POC1B: variants seen among roughly 807,000 people sequenced by gnomAD.
The protein encoded by POC1B is POC1 centriolar protein homolog B.
A neutral mutation model predicts 60.6 loss-of-function variants in POC1B; 44 were observed. The observed-to-expected ratio is 0.73, with a 90% confidence interval of 0.57 to 0.93. The LOEUF is 0.93. POC1B is among the 40% of genes least tolerant of loss of function. The probability of loss-of-function intolerance (pLI) is 0.00; values close to 1 mark genes in which losing one functional copy is unlikely to be tolerated. For synonymous variants in POC1B, 180 were observed against 198.9 expected (o/e 0.90, Z 0.80); for missense variants, 555 against 572.3 (o/e 0.97, Z 0.31).
At chr12:89,404,417 C>T in the POC1B span, among the ~76,000 whole-genome samples, 10 of 152,280 alleles carry the variant, frequency 6.6e-5, no homozygotes, top group East Asian at 1.9e-3. Flanking sequence ...TCTCTCAGCA[C>T]TTTTGTCTGG....
At chr12:89,448,987 T>TC (rs1565729666) in intron 10 of POC1B, among the ~76,000 whole-genome samples, 1 of 152,216 alleles carries the variant, frequency 6.6e-6, no homozygotes, top group African/African-American at 2.4e-5. Flanking sequence ...TCCGTTTTTT[T>TC]CCCCACAACC....
chr12:89,502,103 C>CA, intron 2 of POC1B: 2 of 1,150,926 alleles, frequency 1.7e-6, no homozygotes, highest in Admixed American at 1.7e-5. Context: ...AATACACCAA[C>CA]AGAGTCAAAC....
downstream of POC1B, among the ~76,000 whole-genome samples, chr12:89,417,783 GT>G (rs1291222237): frequency 6.6e-6 from 1 of 152,192 alleles, no homozygotes; most frequent in Non-Finnish European, 1.5e-5. Flanking sequence ...CTCCTTTGGT[GT>G]TTTTCCCCTA....
rs1880474469 is a variant in POC1B, at chr12:89,420,267, A to G, written c.*886T>C. On this transcript the variant is annotated 3_prime_UTR_variant, in exon 12 of 12. Coordinates refer to ENST00000313546, the MANE Select transcript of POC1B (RefSeq NM_172240.3). Reference sequence around the variant, plus strand: ...AGGAAGATGATGATGCAAAAATTTTAAAAAGTACTTACTATTTAGCTGCCC... The same window carrying G: ...AGGAAGATGATGATGCAAAAATTTTGAAAAGTACTTACTATTTAGCTGCCC... 1 of 152,218 alleles carries G rather than the reference A, an allele frequency of 6.6e-6. No homozygotes were observed. Among genetic ancestry groups the G allele is most frequent in the African/African-American group, 2.4e-5 (1 of 41,454 alleles). The allele number at this position is 152,218 out of a possible 1,614,324, so 9.4% of individuals were successfully genotyped here. A position where few individuals can be genotyped will look rare whatever the true frequency, so the allele number is the denominator to read the frequency against.
intron 10 of POC1B, among the ~76,000 whole-genome samples, chr12:89,449,200 C>T (rs1166051601): frequency 6.6e-6 from 1 of 152,234 alleles, no homozygotes; most frequent in East Asian, 1.9e-4. Flanking sequence ...CCTTGCTTGC[C>T]CCCATCATTT....
chr12:89,458,382 G>C (rs893077317), intron 10 of POC1B, among the ~76,000 whole-genome samples: 1 of 152,214 alleles, frequency 6.6e-6, no homozygotes, highest in Non-Finnish European at 1.5e-5. Context: ...TATTAATGCA[G>C]CAATGCTGCT....
rs747747907 is a variant in POC1B at position 89,466,720 on chromosome 12, A to C, written c.1032+50T>G. The C allele has an allele frequency of 5.3e-6, 8 of 1,512,672 alleles. No individual in the cohort carries two copies. In the South Asian group the frequency reaches 1.0e-4, roughly 19 times the overall value. The allele number at this position is 1,512,672 out of a possible 1,614,324, so 93.7% of individuals were successfully genotyped here. On this transcript the variant is annotated intron_variant, in intron 9 of 11. Coordinates refer to ENST00000313546, the MANE Select transcript of POC1B (RefSeq NM_172240.3). ...AATTTCAAACACCTCCTTCAGCAAA[A>C]GCCTCAAAATGTACACAAAATGTAG...
chr12:89,446,036 A>G (rs1483409331), intron 10 of POC1B, among the ~76,000 whole-genome samples: 1 of 152,224 alleles, frequency 6.6e-6, no homozygotes, highest in Non-Finnish European at 1.5e-5. Context: ...GAGAAATGGA[A>G]ATCAAAACCA....
At chr12:89,456,006 T>TTTGTTG (rs57046085) in intron 10 of POC1B, among the ~76,000 whole-genome samples, 5,283 of 148,260 alleles carry the variant, frequency 0.036, 115 homozygotes, top group Admixed American at 0.079. Flanking sequence ...AAAACTCTTT[T>TTTGTTG]TTGTTGTTGT....
At chr12:89,475,949 C>T (rs1474465661) in intron 4 of POC1B, among the ~76,000 whole-genome samples, 1 of 145,438 alleles carries the variant, frequency 6.9e-6, no homozygotes, top group African/African-American at 2.6e-5. Flanking sequence ...CAGGGTCACC[C>T]AGGCTGGAAA....
At chr12:89,502,051 C>G (rs897164862) in intron 2 of POC1B, 21 of 988,254 alleles carry the variant, frequency 2.1e-5, no homozygotes, top group Non-Finnish European at 3.4e-5. Flanking sequence ...TATGACTGCA[C>G]AGAATGTTCC....
chr12:89,437,035 G>A (rs552274867), intron 10 of POC1B, among the ~76,000 whole-genome samples: 8 of 152,210 alleles, frequency 5.3e-5, no homozygotes, highest in Admixed American at 5.2e-4. Flanking sequence ...CTTCTCCCAT[G>A]TACAATCAGT....
chr12:89,524,327 C>T (rs763863484), intron 2 of POC1B: 29 of 1,613,894 alleles, frequency 1.8e-5, no homozygotes, highest in Non-Finnish European at 2.5e-5. Context: ...CCCCACTCCC[C>T]AAGTGCACGG....
chr12:89,525,152 G>T lies in POC1B; in HGVS notation c.68C>A (p.Ser23Tyr). The T allele has an allele frequency of 6.2e-7, 1 of 1,614,026 alleles. No homozygotes were observed. The highest frequency in any genetic ancestry group is 1.1e-5 in the South Asian group (1 of 91,090). The change falls in exon 2 of 12, where the codon TCC becomes TAC. Residue 23 changes from serine to tyrosine, a missense_variant. Transcript: ENST00000313546. Reference sequence around the variant, plus strand: ...CTTGCCGTTGGGGCTGAGGTCCAAGGAGGTGATCGCAGCTTTGTGGCCTTT... The same window carrying T: ...CTTGCCGTTGGGGCTGAGGTCCAAGTAGGTGATCGCAGCTTTGTGGCCTTT... ...YFKGHKAAIT[S>Y]LDLSPNGKQL... is the part of the protein sequence containing the mutation.
intron 3 of POC1B, 84 bp from the exon 4 acceptor site, chr12:89,492,199 T>C (rs940572608): frequency 7.3e-6 from 8 of 1,092,574 alleles, no homozygotes; most frequent in Non-Finnish European, 8.6e-6. Flanking sequence ...TTGAAACATA[T>C]AAAATAGTTT....
chr12:89,447,244 A>C (rs1228483953), intron 10 of POC1B, among the ~76,000 whole-genome samples: 1 of 152,156 alleles, frequency 6.6e-6, no homozygotes, highest in Non-Finnish European at 1.5e-5. Context: ...TTAAAAAAAT[A>C]ATATGACATG....
chr12:89,516,892 T>C (rs951778730), intron 2 of POC1B, among the ~76,000 whole-genome samples: 7 of 152,178 alleles, frequency 4.6e-5, no homozygotes, highest in Admixed American at 1.3e-4. Context: ...TGTATGTTTT[T>C]TACAAGGACA....
chr12:89,421,545 C>A (rs899133188), intron 11 of POC1B, among the ~76,000 whole-genome samples: 5 of 152,126 alleles, frequency 3.3e-5, no homozygotes, highest in Non-Finnish European at 7.4e-5. Context: ...TTCTAAAGCA[C>A]CAAAACCAGG....
At chr12:89,403,194 G>A in the POC1B span, among the ~76,000 whole-genome samples, 9 of 150,706 alleles carry the variant, frequency 6.0e-5, no homozygotes, top group Non-Finnish European at 1.0e-4. Flanking sequence ...TTTTAGTAGA[G>A]ATAGGGTTTC....
Sources: allele counts gnomAD v4.1 joint callset (sites outside exome capture counted in the v4.1 genomes callset), GRCh38; gene constraint gnomAD v4.1.1; transcripts MANE v1.5; gene names NCBI Gene and HGNC (gene_info 2026-07-23, HGNC 2026-07-21).